EXOC5: variants seen among roughly 807,000 people sequenced by gnomAD.
EXOC5 encodes the protein SEC10-like 1.
EXOC5 carries 17 observed loss-of-function variants against 90.8 expected under a neutral mutation model. The ratio of observed to expected loss-of-function variants is 0.19; its 90% confidence interval spans 0.13 to 0.28. The LOEUF is 0.28. EXOC5 is among the 10% of genes least tolerant of loss of function. The probability of loss-of-function intolerance (pLI) is 1.00; values close to 1 mark genes in which losing one functional copy is unlikely to be tolerated. For missense variants in EXOC5, 569 were observed against 830.6 expected, an observed-to-expected ratio of 0.69 and a Z score of 3.87; for synonymous variants, 260 against 270.0, an observed-to-expected ratio of 0.96 and a Z score of 0.36.
chr14:57,219,358 T>C lies in EXOC5; in HGVS notation c.1490A>G (p.Asp497Gly). The change falls in exon 14 of 18, where the codon GAC (aspartate) becomes GGC (glycine). Residue 497 changes from aspartate to glycine, a missense_variant. Asp to Gly is a moderately conservative substitution (Grantham distance 94, BLOSUM62 -1). Around this residue, in one of 9 missense-constraint regions of EXOC5, gnomAD observed 34 missense variants for 101.1 expected, o/e 0.34. Coordinates refer to ENST00000621441, the MANE Select transcript of EXOC5 (RefSeq NM_006544.4). Reference protein sequence around the residue: ...QQANTIFHLFDKQFNDHLMPL... With the variant: ...QQANTIFHLFGKQFNDHLMPL... Reference sequence around the variant, plus strand: ...CATAAGGTGATCATTAAACTGTTTGTCAAAAAGATGAAAAATAGTATTGGC... The same window carrying C: ...CATAAGGTGATCATTAAACTGTTTGCCAAAAAGATGAAAAATAGTATTGGC... 6.5e-7 allele frequency: 1 copy of C among 1,538,186 alleles called. No homozygotes were observed. The highest frequency in any genetic ancestry group is 8.8e-7 in the Non-Finnish European group (1 of 1,136,616).
rs925930299 is a variant in EXOC5, at chr14:57,235,742, C to T, written c.638G>A (p.Arg213Lys). Residue 213 changes from arginine (R) to lysine (K), a missense_variant, in exon 7 of 18, where the codon AGA (arginine) becomes AAA (lysine). By Grantham distance (26) the Arg-to-Lys change is conservative. Transcript: ENST00000621441. ...AQRRGEISRMREVAAVLLHFK... is the reference protein window; with the variant it reads ...AQRRGEISRMKEVAAVLLHFK... ...ATGAAGTAAAACTGCTGCTACTTCT[C>T]TCATTCTGGAGATTTCACCTCTTCT... is the stretch of plus-strand genomic sequence containing the variant. 6 of 1,550,772 alleles carry T rather than the reference C, an allele frequency of 3.9e-6. No homozygotes were observed. The African/African-American group carries it at 6.8e-5, about 18-fold the overall frequency.
At position 57,201,419 on chromosome 14, in the gene EXOC5, T is replaced by C. The variant is rs2139595886; in HGVS notation, c.*7190A>G. On this transcript the variant is annotated 3_prime_UTR_variant, in exon 18 of 18. Transcript: ENST00000621441. Reference sequence around the variant, plus strand: ...GTGATATCAAGAGAATTCTGATTAGTATATATATATACACACACACACGTG... The same window carrying C: ...GTGATATCAAGAGAATTCTGATTAGCATATATATATACACACACACACGTG... 8.0e-6 allele frequency: 1 copy of C among 124,442 alleles called. No homozygotes were observed. Among genetic ancestry groups the C allele is most frequent in the African/African-American group, 5.1e-5 (1 of 19,512 alleles). 7.7% of individuals were successfully genotyped at this position (124,442 alleles called of 1,614,324 possible). A position where few individuals can be genotyped will look rare whatever the true frequency, so the allele number is the denominator to read the frequency against.
chr14:57,220,411 G>GT (rs1031529930), intron 13 of EXOC5, among the ~76,000 whole-genome samples: 1 of 152,058 alleles, frequency 6.6e-6, no homozygotes, highest in African/African-American at 2.4e-5. Context: ...CAGCTACAGT[G>GT]TAAGTTTTTA....
chr14:57,234,888 G>T (rs1201354297), intron 7 of EXOC5, among the ~76,000 whole-genome samples: 1 of 151,984 alleles, frequency 6.6e-6, no homozygotes, highest in Non-Finnish European at 1.5e-5. Context: ...GGTTTTCCTT[G>T]CAAGAATCTG....
intron 15 of EXOC5, among the ~76,000 whole-genome samples, chr14:57,215,580 T>C (rs971087126): frequency 2.6e-5 from 4 of 151,768 alleles, no homozygotes; most frequent in African/African-American, 9.7e-5. Flanking sequence ...AATTGTCTGA[T>C]GATGTGAAAA....
intron 12 of EXOC5, among the ~76,000 whole-genome samples, chr14:57,227,945 TAC>T (rs60100460): frequency 0.041 from 5,941 of 145,644 alleles, 178 homozygotes; most frequent in African/African-American, 0.084. Context: ...CATATATATA[TAC>T]ACACACACAC....
rs186507272 is a variant in EXOC5, at chr14:57,222,777, A to G, written c.1297-361T>C. On this transcript the variant is annotated intron_variant, in intron 12 of 17. Transcript: ENST00000621441. ...CACACACACACATATATATATATAT[A>G]TATGTATACACACACACACATACAC... 3.5e-3 allele frequency among the ~76,000 whole-genome samples: 525 copies of G among 151,068 alleles called. 3 individuals carry two copies. The highest frequency in any genetic ancestry group is 0.012 in the African/African-American group (496 of 41,056).
intron 4 of EXOC5, among the ~76,000 whole-genome samples, chr14:57,242,332 C>A (rs1376014121): frequency 6.6e-6 from 1 of 151,748 alleles, no homozygotes; most frequent in Non-Finnish European, 1.5e-5. Context: ...GCAGCCTCAA[C>A]CTCTGGGGCT....
At chr14:57,267,376 C>G (rs1340187358) in intron 1 of EXOC5, among the ~76,000 whole-genome samples, 1 of 152,116 alleles carries the variant, frequency 6.6e-6, no homozygotes, top group Non-Finnish European at 1.5e-5. Flanking sequence ...CATTATCTAT[C>G]CAAAAGCTGA....
At chr14:57,266,735 GTA>G (rs10550570) in intron 1 of EXOC5, among the ~76,000 whole-genome samples, 80,965 of 146,230 alleles carry the variant, frequency 0.55, 24,486 homozygotes, top group African/African-American at 0.81. Context: ...GTGTGTGTGT[GTA>G]TATATATATA....
intron 7 of EXOC5, among the ~76,000 whole-genome samples, 178 bp from the exon 8 acceptor site, chr14:57,234,210 G>A (rs995213733): frequency 2.6e-5 from 4 of 151,936 alleles, no homozygotes; most frequent in Non-Finnish European, 4.4e-5. Context: ...TAAAGGTATC[G>A]TCTCCCTAGT....
chr14:57,268,608 C>T lies in EXOC5; in HGVS notation c.27+14G>A. 1.3e-6 allele frequency: 2 copies of T among 1,588,192 alleles called. No individual in the cohort carries two copies. The highest frequency in any genetic ancestry group is 1.7e-6 in the Non-Finnish European group (2 of 1,172,456). ...CCCGGGCCTGCCACTCCCTGTAGAG[C>T]CGCCGGGGCCCACCTCGAAGAGCTC... On this transcript the variant is annotated intron_variant, in intron 1 of 17. Coordinates refer to ENST00000621441, the MANE Select transcript of EXOC5 (RefSeq NM_006544.4).
At position 57,257,616 on chromosome 14, in the gene EXOC5, A is replaced by C. The variant is rs1011952894; in HGVS notation, c.28-9904T>G. On this transcript the variant is annotated intron_variant, in intron 1 of 17. Coordinates refer to ENST00000621441, the MANE Select transcript of EXOC5 (RefSeq NM_006544.4). ...TTTATCCTCAGAGACAAATTATCAC[A>C]AGGGTTTACGAGAAGTCAGCAATTG... Among the ~76,000 whole-genome samples, 38 of 152,170 alleles carry C rather than the reference A, an allele frequency of 2.5e-4. 1 individual carries two copies. Among genetic ancestry groups the C allele is most frequent in the Non-Finnish European group, 5.3e-4 (36 of 68,030 alleles).
At position 57,233,812 on chromosome 14, in the gene EXOC5, T is replaced by C; in HGVS notation, c.786A>G (p.Gly262=). 1 of 1,604,526 alleles carries C rather than the reference T, an allele frequency of 6.2e-7. No homozygotes were observed. The change falls in exon 9 of 18, where the codon GGA becomes GGG. Residue 262 remains glycine, a synonymous_variant. Transcript: ENST00000621441. Reference sequence around the variant, plus strand: ...CTGTTTCTGGATTACTGAAGATATCTCCAACTTGTTTGTTCACTCTTTGAC... The same window carrying C: ...CTGTTTCTGGATTACTGAAGATATCCCCAACTTGTTTGTTCACTCTTTGAC... ...ILCQRVNKQV[G]DIFSNPETVL...
At position 57,232,677 on chromosome 14, in the gene EXOC5, G is replaced by T; in HGVS notation, c.928C>A (p.Leu310Met). 7.0e-7 allele frequency: 1 copy of T among 1,426,478 alleles called. No individual in the cohort carries two copies. The highest frequency in any genetic ancestry group is 9.7e-7 in the Non-Finnish European group (1 of 1,031,618). The allele number at this position is 1,426,478 out of a possible 1,614,324, so 88.4% of individuals were successfully genotyped here. The change falls in exon 10 of 18, where the codon CTG becomes ATG. Residue 310 changes from leucine to methionine, a missense_variant. By Grantham distance (15) the Leu-to-Met change is conservative. This residue lies in a region of EXOC5 where 114 missense variants were observed against 111.2 expected (regional missense o/e 1.03). Coordinates refer to ENST00000621441, the MANE Select transcript of EXOC5 (RefSeq NM_006544.4). ...TCATTAAAAATTTACCTTGTATACA[G>T]ATCATAGAGATTTTTGAGATATTGC... Reference protein sequence around the residue: ...AEQYLKNLYDLYTRTTNLSSK... With the variant: ...AEQYLKNLYDMYTRTTNLSSK...
intron 1 of EXOC5, among the ~76,000 whole-genome samples, chr14:57,262,015 T>C (rs1884517762): frequency 6.6e-6 from 1 of 152,106 alleles, no homozygotes; most frequent in Admixed American, 6.5e-5. Flanking sequence ...AAATACAACC[T>C]TCCACAGCCC....
intron 1 of EXOC5, among the ~76,000 whole-genome samples, chr14:57,264,217 T>C (rs1021671642): frequency 3.9e-5 from 6 of 152,176 alleles, no homozygotes; most frequent in Admixed American, 6.5e-5. Context: ...ACTAATATGG[T>C]TAAAATAAAT....
chr14:57,235,483 ATTAAT>A (rs1336987321), intron 7 of EXOC5, among the ~76,000 whole-genome samples: 1 of 151,968 alleles, frequency 6.6e-6, no homozygotes, highest in African/African-American at 2.4e-5. Flanking sequence ...TAATTGATCA[ATTAAT>A]TTTAATTCAA....
intron 1 of EXOC5, among the ~76,000 whole-genome samples, chr14:57,263,396 G>A (rs948814138): frequency 2.6e-5 from 4 of 152,076 alleles, no homozygotes; most frequent in African/African-American, 9.7e-5. Flanking sequence ...CTTTTGCCTA[G>A]GAGGTCGACG....
Sources: allele counts gnomAD v4.1 joint callset (sites outside exome capture counted in the v4.1 genomes callset), GRCh38; gene constraint gnomAD v4.1.1; regional missense constraint gnomAD v4.1.1; transcripts MANE v1.5; gene names NCBI Gene and HGNC (gene_info 2026-07-23, HGNC 2026-07-21).